Variants in DPEP2 observed in about 807,000 individuals in gnomAD.
DPEP2 encodes dipeptidase 2.
A neutral mutation model predicts 51.8 loss-of-function variants in DPEP2; 45 were observed. The observed-to-expected ratio is 0.87, with a 90% CI of 0.68 to 1.11. The LOEUF (loss-of-function observed/expected upper bound fraction) is 1.11. Ranked by LOEUF, DPEP2 falls within the 50% of genes most tolerant of loss-of-function variation. DPEP2 has a pLI of 0.00. For synonymous variants in DPEP2, 255 were observed against 262.7 expected, an observed-to-expected ratio of 0.97 and a Z score of 0.28; for missense variants, 604 against 631.9, an observed-to-expected ratio of 0.96 and a Z score of 0.47.
intron 1 of DPEP2, among the ~76,000 whole-genome samples, chr16:67,996,428 T>C (rs1001770110): frequency 6.6e-6 from 1 of 151,896 alleles, no homozygotes; most frequent in African/African-American, 2.4e-5. Context: ...TGATGTGATC[T>C]TGGCGGGCAA....
At chr16:67,992,269 T>C (rs2032269905) in intron 3 of DPEP2, 76 bp from the exon 4 acceptor site, 1 of 1,557,294 alleles carries the variant, frequency 6.4e-7, no homozygotes, top group Non-Finnish European at 8.7e-7. Context: ...CCTCCACAGC[T>C]GACAGAGCAC....
At chr16:67,993,365 C>G in intron 1 of DPEP2, 108 bp from the exon 2 acceptor site, 6 of 1,302,978 alleles carry the variant, frequency 4.6e-6, no homozygotes, top group South Asian at 2.3e-5. Context: ...CACAGGGCCC[C>G]GCGAAGGATG....
In DPEP2 at chr16:67,987,426, A is replaced by G; in HGVS notation, c.*80T>C. ...GTCCAAAACATTTATTTCAGGAAAT[A>G]TTTGTGCCTGCACAACAGGGGAACT... is the stretch of plus-strand genomic sequence containing the variant. On this transcript the variant is annotated 3_prime_UTR_variant, in exon 11 of 11. Transcript: ENST00000393847. 6.6e-7 allele frequency: 1 copy of G among 1,526,504 alleles called. No individual in the cohort carries two copies. The highest frequency in any genetic ancestry group is 1.3e-5 in the South Asian group (1 of 79,074). The allele number at this position is 1,526,504 out of a possible 1,614,324, so 94.6% of individuals were successfully genotyped here.
chr16:67,991,713 G>C lies in DPEP2; in HGVS notation c.662+125C>G. ...TCGTATTCTGAAAACCAGAATCCCAGCTCCCCTCCCCACTCCAGAGTCAGT... is the reference window on the plus strand; with the variant it reads ...TCGTATTCTGAAAACCAGAATCCCACCTCCCCTCCCCACTCCAGAGTCAGT... On this transcript the variant is annotated intron_variant, in intron 5 of 10. Transcript: ENST00000393847. This position sits in a 1 kb window ranked among gnomAD's most constrained non-coding sequence, Gnocchi z 5.1. 2 of 1,385,188 alleles carry C rather than the reference G, an allele frequency of 1.4e-6. No homozygotes were observed. Among genetic ancestry groups the C allele is most frequent in the Non-Finnish European group, 9.7e-7 (1 of 1,035,170 alleles). The allele number at this position is 1,385,188 out of a possible 1,614,324, so 85.8% of individuals were successfully genotyped here.
chr16:67,995,972 AAACAACAACAACAAC>A (rs376768981), intron 1 of DPEP2, among the ~76,000 whole-genome samples: 20 of 150,914 alleles, frequency 1.3e-4, no homozygotes, highest in Admixed American at 4.6e-4. Flanking sequence ...TCCCCCCGCC[AAACAACAACAACAAC>A]AACAACAACA....
At chr16:67,994,878 A>G in intron 1 of DPEP2, 1 of 985,502 alleles carries the variant, frequency 1.0e-6, no homozygotes, top group Non-Finnish European at 1.2e-6. Context: ...GTTAACTGTC[A>G]CGTCTACTGC....
upstream of DPEP2, among the ~76,000 whole-genome samples, chr16:68,000,185 G>A (rs565867038): frequency 9.2e-4 from 140 of 152,288 alleles, no homozygotes; most frequent in Admixed American, 1.4e-3. Context: ...CTTGCTACCA[G>A]GAAGGAGTAG....
At chr16:67,995,107 C>A (rs752442559) in intron 1 of DPEP2, among the ~76,000 whole-genome samples, 3 of 152,156 alleles carry the variant, frequency 2.0e-5, no homozygotes, top group Non-Finnish European at 2.9e-5. Context: ...GCCATGTTGC[C>A]CAGGCTGGTC....
At chr16:67,993,833 A>C in intron 1 of DPEP2, 1 of 985,530 alleles carries the variant, frequency 1.0e-6, no homozygotes, top group Non-Finnish European at 1.2e-6. Flanking sequence ...TGGATTCAGG[A>C]AGGGGCCCCC....
chr16:67,993,483 G>A (rs2032449681), intron 1 of DPEP2: 2 of 1,223,440 alleles, frequency 1.6e-6, no homozygotes, highest in Non-Finnish European at 2.0e-6. Context: ...TGTCCTGGGC[G>A]CCCACTCGCG....
intron 1 of DPEP2, among the ~76,000 whole-genome samples, chr16:67,996,066 T>C (rs2032673070): frequency 6.6e-6 from 1 of 152,050 alleles, no homozygotes; most frequent in African/African-American, 2.4e-5. Context: ...TGAGATAAGG[T>C]CTTGCTCTGT....
In DPEP2 at chr16:67,987,707, C is replaced by G. The variant is rs773213621; in HGVS notation, c.1260G>C (p.Glu420Asp). ...QSPLEDKFPD[E>D]QLSSSCHSDL... ...CGGAGTGGCAGGAACTGCTCAGCTG[C>G]TCATCCGGGAACTTGTCCTCCAAGG... is the stretch of plus-strand genomic sequence containing the variant. Residue 420 changes from glutamate to aspartate, a missense_variant, in exon 11 of 11, where the codon GAG becomes GAC. Physicochemically the swap from Glu to Asp is conservative, Grantham distance 45. Coordinates refer to ENST00000393847, the MANE Select transcript of DPEP2 (RefSeq NM_022355.4). 1 of 1,614,218 alleles carries G rather than the reference C, an allele frequency of 6.2e-7. No individual in the cohort carries two copies. The highest frequency in any genetic ancestry group is 1.1e-5 in the South Asian group (1 of 91,088).
chr16:67,999,629 T>A, upstream of DPEP2: 1 of 373,994 alleles, frequency 2.7e-6, no homozygotes, highest in Non-Finnish European at 3.7e-6. Context: ...GTTCCTCTTT[T>A]AACAAAGTCT....
At chr16:67,993,670 C>T in intron 1 of DPEP2, 1 of 988,430 alleles carries the variant, frequency 1.0e-6, no homozygotes, top group Non-Finnish European at 1.2e-6. Context: ...ACGTCATGTC[C>T]CCAACCGCCT....
chr16:67,987,674 T>C lies in DPEP2; in HGVS notation c.1293A>G (p.Ser431=). ...TCAGACTCTGTCTCTGACGCAGACG[T>C]GAGAGGTCGGAGTGGCAGGAACTGC... ...QLSSSCHSDL[S]RLRQRQSLTS... Residue 431 remains serine, a synonymous_variant, in exon 11 of 11, where the codon TCA becomes TCG. Transcript: ENST00000393847. 6.2e-7 allele frequency: 1 copy of C among 1,614,084 alleles called. No individual in the cohort carries two copies. Among genetic ancestry groups the C allele is most frequent in the Non-Finnish European group, 8.5e-7 (1 of 1,179,926 alleles).
chr16:67,993,538 T>G, intron 1 of DPEP2: 2 of 1,078,598 alleles, frequency 1.9e-6, no homozygotes, highest in East Asian at 6.1e-5. Context: ...CCTCCCACTG[T>G]CCCCAGGGGG....
In DPEP2 at chr16:67,993,225, C is replaced by G; in HGVS notation, c.-13G>C. 7.0e-7 allele frequency: 1 copy of G among 1,419,966 alleles called. No individual in the cohort carries two copies. The highest frequency in any genetic ancestry group is 9.2e-7 in the Non-Finnish European group (1 of 1,081,824). The allele number at this position is 1,419,966 out of a possible 1,614,324, so 88.0% of individuals were successfully genotyped here. Reference sequence around the variant, plus strand: ...CGGAGGGCTGCATGTTGTGCAGGGCCGGGCAGGCAGGCAGGGGTGGCAGTC... The same window carrying G: ...CGGAGGGCTGCATGTTGTGCAGGGCGGGGCAGGCAGGCAGGGGTGGCAGTC... On this transcript the variant is annotated 5_prime_UTR_variant, in exon 2 of 11. Coordinates refer to ENST00000393847, the MANE Select transcript of DPEP2 (RefSeq NM_022355.4).
chr16:67,998,712 C>G (rs947050283), intron 1 of DPEP2, among the ~76,000 whole-genome samples: 2 of 150,986 alleles, frequency 1.3e-5, no homozygotes, highest in Admixed American at 6.6e-5. Context: ...ATCTTTACGT[C>G]TAGCTCAGGA....
chr16:67,988,463 C>T (rs2151360498), intron 9 of DPEP2, among the ~76,000 whole-genome samples: 1 of 152,010 alleles, frequency 6.6e-6, no homozygotes, highest in South Asian at 2.1e-4. Flanking sequence ...ATTAGCTGGG[C>T]ATCATGGCGC....
Sources: gnomAD v4.1 joint callset for allele counts (sites outside exome capture counted in the v4.1 genomes callset) on GRCh38, gnomAD v4.1.1 for gene constraint, Gnocchi (gnomAD v3.1) non-coding constraint, MANE v1.5 for transcripts, NCBI Gene and HGNC (gene_info 2026-07-23, HGNC 2026-07-21) for gene names.